The following GPC6 variants were observed in gnomAD, a reference collection of about 807,000 sequenced individuals.
The protein encoded by GPC6 is glypican 6.
A neutral mutation model predicts 55.2 loss-of-function variants in GPC6; 14 were observed. The observed-to-expected ratio is 0.25, with a 90% confidence interval of 0.17 to 0.40. The LOEUF (loss-of-function observed/expected upper bound fraction) is 0.40. GPC6 is among the 10% of genes least tolerant of loss of function. The pLI is 1.00. For synonymous variants in GPC6, 278 were observed against 259.6 expected (o/e 1.07, Z -0.68); for missense variants, 641 against 708.5 (o/e 0.90, Z 1.08).
intron 4 of GPC6, among the ~76,000 whole-genome samples, chr13:94,031,178 C>T (rs189978049): frequency 5.0e-4 from 76 of 152,112 alleles, no homozygotes; most frequent in Admixed American, 3.8e-3. Flanking sequence ...CAAAGTCCTC[C>T]TCCAGGAAGT....
At chr13:94,331,784 A>T (rs1360463478) in intron 6 of GPC6, among the ~76,000 whole-genome samples, 1 of 152,236 alleles carries the variant, frequency 6.6e-6, no homozygotes, top group Non-Finnish European at 1.5e-5. Flanking sequence ...TAGGAAAAGT[A>T]AAAGGTGAAT....
chr13:94,031,033 C>T (rs112421062), intron 4 of GPC6, among the ~76,000 whole-genome samples: 8 of 151,002 alleles, frequency 5.3e-5, no homozygotes, highest in Admixed American at 1.3e-4. Flanking sequence ...TGCATGCATG[C>T]GTGTGTGCGT....
chr13:93,351,158 A>G (rs2139164198), intron 1 of GPC6, among the ~76,000 whole-genome samples: 1 of 152,308 alleles, frequency 6.6e-6, no homozygotes, highest in South Asian at 2.1e-4. Context: ...TTTGAATACA[A>G]GTATGTTAAA....
intron 2 of GPC6, among the ~76,000 whole-genome samples, chr13:93,585,263 T>A: frequency 6.6e-6 from 1 of 152,156 alleles, no homozygotes; most frequent in East Asian, 1.9e-4. Flanking sequence ...AACAATCTCT[T>A]TTTCTCAGGA....
chr13:94,039,047 C>G (rs1883437202), intron 4 of GPC6, among the ~76,000 whole-genome samples: 1 of 151,884 alleles, frequency 6.6e-6, no homozygotes, highest in African/African-American at 2.4e-5. Flanking sequence ...TGAATAAGTG[C>G]TTGGTGACAC....
intron 1 of GPC6, among the ~76,000 whole-genome samples, chr13:93,475,506 CTG>C: frequency 6.6e-6 from 1 of 152,206 alleles, no homozygotes; most frequent in African/African-American, 2.4e-5. Flanking sequence ...ATATCTGAAA[CTG>C]TATACAGGTG....
chr13:93,247,674 G>A (rs1199952588), intron 1 of GPC6, among the ~76,000 whole-genome samples: 1 of 152,020 alleles, frequency 6.6e-6, no homozygotes, highest in Non-Finnish European at 1.5e-5. Flanking sequence ...CTCATAAAAG[G>A]TCAGTTTCAA....
chr13:93,489,472 A>C (rs1239732788), intron 1 of GPC6, among the ~76,000 whole-genome samples: 2 of 151,416 alleles, frequency 1.3e-5, no homozygotes, highest in African/African-American at 4.8e-5. Context: ...TTGGTTTCAT[A>C]TGAACTTTAA....
intron 1 of GPC6, among the ~76,000 whole-genome samples, chr13:93,273,229 A>G (rs2139055958): frequency 6.6e-6 from 1 of 152,346 alleles, no homozygotes; most frequent in South Asian, 2.1e-4. Context: ...TCTAAATCAT[A>G]TCTAGGTAAA....
chr13:94,096,945 C>T (rs964145514), intron 4 of GPC6, among the ~76,000 whole-genome samples: 3 of 152,070 alleles, frequency 2.0e-5, no homozygotes, highest in Non-Finnish European at 4.4e-5. Context: ...CATGTAAAGC[C>T]ATCAACTCAG....
intron 2 of GPC6, among the ~76,000 whole-genome samples, chr13:93,576,316 A>C (rs1226760491): frequency 2.0e-5 from 3 of 152,172 alleles, no homozygotes; most frequent in Non-Finnish European, 2.9e-5. Flanking sequence ...AAGACAAAAA[A>C]TTATATTTTA....
intron 4 of GPC6, among the ~76,000 whole-genome samples, chr13:94,281,217 CAT>C (rs1274097429): frequency 6.6e-6 from 1 of 152,146 alleles, no homozygotes; most frequent in Non-Finnish European, 1.5e-5. Context: ...TTCCAAGACA[CAT>C]GTGCAGAATG....
chr13:93,817,552 T>C (rs896298826), intron 2 of GPC6, among the ~76,000 whole-genome samples: 2 of 152,186 alleles, frequency 1.3e-5, no homozygotes, highest in Admixed American at 1.3e-4. Context: ...TTAAAACTTA[T>C]ATTTTAAAAA....
At chr13:94,212,942 G>A (rs1397901140) in intron 4 of GPC6, among the ~76,000 whole-genome samples, 1 of 152,240 alleles carries the variant, frequency 6.6e-6, no homozygotes, top group Non-Finnish European at 1.5e-5. Context: ...CAGATCACAA[G>A]GTCAGGAGTT....
chr13:93,490,468 T>A (rs1417842800), intron 1 of GPC6, among the ~76,000 whole-genome samples: 1 of 145,322 alleles, frequency 6.9e-6, no homozygotes, highest in African/African-American at 2.5e-5. Flanking sequence ...TTCTTTTTTT[T>A]TTTTTTTTTC....
intron 1 of GPC6, among the ~76,000 whole-genome samples, chr13:93,487,004 A>G (rs915823394): frequency 2.0e-5 from 3 of 151,946 alleles, no homozygotes; most frequent in Non-Finnish European, 2.9e-5. Flanking sequence ...CAAAGAGACC[A>G]TCTCAAAGTC....
chr13:93,522,303 C>T (rs550723159), intron 1 of GPC6, among the ~76,000 whole-genome samples: 104 of 152,106 alleles, frequency 6.8e-4, no homozygotes, highest in African/African-American at 2.5e-3. Context: ...TTTTTAGCTT[C>T]CAATCTCACC....
chr13:93,285,634 G>GTGTGTGTGTGTGTGTGTGTA (rs1878093409), intron 1 of GPC6, among the ~76,000 whole-genome samples: 5 of 147,022 alleles, frequency 3.4e-5, no homozygotes, highest in African/African-American at 1.0e-4. Context: ...GTGTGTGTGT[G>GTGTGTGTGTGTGTGTGTGTA]TGTGTGTGTG....
At position 94,382,563 on chromosome 13, in the gene GPC6, C is replaced by T. The variant is rs769274919; in HGVS notation, c.1289+13C>T. On this transcript the variant is annotated intron_variant, in intron 7 of 8. Coordinates refer to ENST00000377047, the MANE Select transcript of GPC6 (RefSeq NM_005708.5). The stretch of plus-strand genomic sequence containing the variant: ...ACAGCAAAGCCAGGTGAGGGTGACT[C>T]GATGTGTGCATGGATGGGGGCACAG... 28 of 1,613,880 alleles carry T rather than the reference C, an allele frequency of 1.7e-5. No individual in the cohort carries two copies. The highest frequency in any genetic ancestry group is 1.7e-4 in the Middle Eastern group (1 of 5,990).
Sources: allele counts gnomAD v4.1 joint callset (sites outside exome capture counted in the v4.1 genomes callset), GRCh38; gene constraint gnomAD v4.1.1; transcripts MANE v1.5; gene names NCBI Gene and HGNC (gene_info 2026-07-23, HGNC 2026-07-21).